IQCH: variants seen among roughly 807,000 people sequenced by gnomAD.
IQCH encodes IQ domain-containing protein H.
A neutral mutation model predicts 117.0 loss-of-function variants in IQCH; 98 were observed. The ratio of observed to expected loss-of-function variants is 0.84; its 90% CI spans 0.71 to 0.99. IQCH has a LOEUF of 0.99. IQCH is among the 50% of genes least tolerant of loss of function. The pLI, the probability that IQCH is intolerant of heterozygous loss-of-function variation, is 0.00. For missense variants in IQCH, 1,102 were observed against 1,243.8 expected (o/e 0.89, Z 1.72); for synonymous variants, 412 against 448.2 (o/e 0.92, Z 1.02).
chr15:67,477,748 A>C (rs1295698592), intron 18 of IQCH, among the ~76,000 whole-genome samples: 7 of 152,174 alleles, frequency 4.6e-5, no homozygotes, highest in Non-Finnish European at 1.0e-4. Context: ...TAAAATATCA[A>C]AGTAGAACAA....
chr15:67,255,028 G>C (rs901456764), intron 1 of IQCH, 81 bp downstream of exon 1: 22 of 1,388,770 alleles, frequency 1.6e-5, no homozygotes, highest in Middle Eastern at 1.8e-4. Context: ...ATTCACCGAC[G>C]CTCACCCATT....
At chr15:67,282,016 C>T (rs958806583) in intron 4 of IQCH, 9 of 308,268 alleles carry the variant, frequency 2.9e-5, no homozygotes, top group Admixed American at 1.2e-4. Context: ...ATTAGAGGCA[C>T]GCTGGGCTGA....
intron 10 of IQCH, among the ~76,000 whole-genome samples, chr15:67,379,386 T>G (rs1384080022): frequency 6.6e-6 from 1 of 152,234 alleles, no homozygotes; most frequent in Non-Finnish European, 1.5e-5. Context: ...CTTTTTGTCT[T>G]TTGTAACTTG....
chr15:67,269,792 A>C (rs1041656821), intron 3 of IQCH, among the ~76,000 whole-genome samples: 8 of 152,050 alleles, frequency 5.3e-5, no homozygotes, highest in Admixed American at 2.6e-4. Context: ...AGTTCCATCC[A>C]TGTTGCTGTG....
At chr15:67,482,920 A>G (rs2141067705) in intron 18 of IQCH, among the ~76,000 whole-genome samples, 1 of 152,310 alleles carries the variant, frequency 6.6e-6, no homozygotes, top group Non-Finnish European at 1.5e-5. Context: ...TACTTTGGTG[A>G]GCTGCCTAAG....
At position 67,478,552 on chromosome 15, in the gene IQCH, AAAGAT is replaced by A. The variant is rs563212205; in HGVS notation, c.2799+2739_2799+2743del. On this transcript the variant is annotated intron_variant, in intron 18 of 20. Transcript: ENST00000335894. ...GATGATGAAACAATGCAAAGAAGAA[AAAGAT>A]AAGAGAAGAGAGAGGAGAAAATCCA... 2.7e-3 allele frequency among the ~76,000 whole-genome samples: 404 copies of A among 152,304 alleles called. 1 individual carries two copies. Among genetic ancestry groups the A allele is most frequent in the Non-Finnish European group, 3.9e-3 (263 of 68,024 alleles).
At chr15:67,360,180 T>A (rs1360259823) in intron 8 of IQCH, 1 of 361,038 alleles carries the variant, frequency 2.8e-6, no homozygotes, top group Non-Finnish European at 5.0e-6. Context: ...ATCTTCAAAT[T>A]CAATCAAAGA....
intron 12 of IQCH, among the ~76,000 whole-genome samples, chr15:67,392,785 C>CA (rs33923178): frequency 0.56 from 63,668 of 113,366 alleles, 18,433 homozygotes; most frequent in East Asian, 0.81. Context: ...CCTGCTTCCA[C>CA]AAAAAAAAAA....
At chr15:67,280,277 A>G (rs1462064668) in intron 4 of IQCH, among the ~76,000 whole-genome samples, 1 of 152,260 alleles carries the variant, frequency 6.6e-6, no homozygotes, top group Non-Finnish European at 1.5e-5. Flanking sequence ...CCAGGTGGCA[A>G]AGAATAGAGC....
intron 3 of IQCH, among the ~76,000 whole-genome samples, chr15:67,270,735 G>A (rs1421103080): frequency 1.3e-5 from 2 of 152,128 alleles, no homozygotes; most frequent in African/African-American, 4.8e-5. Flanking sequence ...GCAGATGCTA[G>A]CACTATGTTT....
chr15:67,448,092 C>T (rs1179698294), intron 16 of IQCH, among the ~76,000 whole-genome samples: 1 of 152,066 alleles, frequency 6.6e-6, no homozygotes, highest in African/African-American at 2.4e-5. Context: ...AGTCATCATT[C>T]ACACACTCAA....
At chr15:67,468,602 C>T (rs962268784) in intron 17 of IQCH, among the ~76,000 whole-genome samples, 11 of 152,196 alleles carry the variant, frequency 7.2e-5, no homozygotes, top group African/African-American at 2.7e-4. Flanking sequence ...GTTCATTATG[C>T]ATGTGGATGC....
intron 12 of IQCH, among the ~76,000 whole-genome samples, chr15:67,392,223 C>G (rs1364036907): frequency 6.6e-6 from 1 of 152,204 alleles, no homozygotes. Context: ...TGTGAACTTA[C>G]CATGATTGCT....
At position 67,476,557 on chromosome 15, in the gene IQCH, T is replaced by G. The variant is rs534918663; in HGVS notation, c.2799+739T>G. Among the ~76,000 whole-genome samples the G allele has an allele frequency of 5.9e-5, 9 of 152,114 alleles. No homozygotes were observed. Among genetic ancestry groups the G allele is most frequent in the Non-Finnish European group, 1.3e-4 (9 of 68,028 alleles). ...TTTGATAATTTATTTCTGAAGGGAGTTCTGATAAAAACCATTTTCTCTACT... is the reference window on the plus strand; with the variant it reads ...TTTGATAATTTATTTCTGAAGGGAGGTCTGATAAAAACCATTTTCTCTACT... On this transcript the variant is annotated intron_variant, in intron 18 of 20. Transcript: ENST00000335894. This position sits in a 1 kb window ranked among gnomAD's most constrained non-coding sequence, Gnocchi z 4.1.
intron 3 of IQCH, among the ~76,000 whole-genome samples, chr15:67,269,927 A>G (rs1370135156): frequency 6.6e-6 from 1 of 152,172 alleles, no homozygotes; most frequent in Non-Finnish European, 1.5e-5. Context: ...TTCATTGTGT[A>G]TAATGTTGCA....
intron 4 of IQCH, among the ~76,000 whole-genome samples, chr15:67,282,901 G>A (rs1177874914): frequency 6.6e-6 from 1 of 151,828 alleles, no homozygotes. Context: ...TGTTTATTAA[G>A]CCTCTTTTAA....
At chr15:67,468,764 C>T (rs1350031401) in intron 17 of IQCH, among the ~76,000 whole-genome samples, 1 of 152,204 alleles carries the variant, frequency 6.6e-6, no homozygotes, top group East Asian at 1.9e-4. Flanking sequence ...CCCTTACTGC[C>T]GAGAACAGAT....
Position 67,466,510 on chromosome 15 carries a change from C to T in IQCH, c.2676+1213C>T, listed in dbSNP as rs1214261252. The T allele has an allele frequency of 6.6e-6, 1 of 152,190 alleles. No homozygotes were observed. Among genetic ancestry groups the T allele is most frequent in the Non-Finnish European group, 1.5e-5 (1 of 68,072 alleles). The allele number at this position is 152,190 out of a possible 1,614,324, so 9.4% of individuals were successfully genotyped here. A position where few individuals can be genotyped will look rare whatever the true frequency, so the allele number is the denominator to read the frequency against. On this transcript the variant is annotated intron_variant, in intron 17 of 20. Transcript: ENST00000335894. The surrounding 1 kb of genome is among the most constrained non-coding windows in gnomAD (Gnocchi z 4.4). ...CAGAGATACCTTTTCCAAGCGGTCTCCTGCCTCTCTGTGAACCCCTTTGGG... is the reference window on the plus strand; with the variant it reads ...CAGAGATACCTTTTCCAAGCGGTCTTCTGCCTCTCTGTGAACCCCTTTGGG...
intron 16 of IQCH, among the ~76,000 whole-genome samples, chr15:67,446,808 A>G (rs941887942): frequency 6.6e-6 from 1 of 152,200 alleles, no homozygotes; most frequent in Admixed American, 6.5e-5. Context: ...GCTCCTATAC[A>G]TAGGCTCTCA....
Sources: gnomAD v4.1 joint callset for allele counts (sites outside exome capture counted in the v4.1 genomes callset) on GRCh38, gnomAD v4.1.1 for gene constraint, Gnocchi (gnomAD v3.1) non-coding constraint, MANE v1.5 for transcripts, NCBI Gene and HGNC (gene_info 2026-07-23, HGNC 2026-07-21) for gene names.